Variants in FAM171A1 observed in about 807,000 individuals in gnomAD.
FAM171A1 encodes the protein family with sequence similarity 171 member A1.
A neutral mutation model predicts 74.9 loss-of-function variants in FAM171A1; 23 were observed. That is an observed-to-expected ratio of 0.31 (90% CI 0.22 to 0.44). The LOEUF is 0.44. Ranked by LOEUF, FAM171A1 falls within the 20% of genes least tolerant of loss-of-function variation. The pLI, the probability that FAM171A1 is intolerant of heterozygous loss-of-function variation, is 1.00. For synonymous variants in FAM171A1, 527 were observed against 505.7 expected (o/e 1.04, Z -0.57); for missense variants, 1,162 against 1,159.2 (o/e 1.00, Z -0.03).
At chr10:15,248,058 G>A (rs1431740464) in intron 5 of FAM171A1, among the ~76,000 whole-genome samples, 3 of 152,156 alleles carry the variant, frequency 2.0e-5, no homozygotes, top group Non-Finnish European at 4.4e-5. Context: ...CTGACCCCCA[G>A]AAACTCTGAG....
At chr10:15,244,684 A>G (rs1433811535) in intron 5 of FAM171A1, among the ~76,000 whole-genome samples, 1 of 152,188 alleles carries the variant, frequency 6.6e-6, no homozygotes, top group African/African-American at 2.4e-5. Flanking sequence ...TGGTACCCAC[A>G]CAGACTTGGT....
At chr10:15,304,539 C>T (rs1056324893) in intron 1 of FAM171A1, among the ~76,000 whole-genome samples, 5 of 152,172 alleles carry the variant, frequency 3.3e-5, no homozygotes, top group South Asian at 2.1e-4. Flanking sequence ...AAACCTGCTG[C>T]GGCCGCATAC....
At chr10:15,322,863 G>A (rs984722448) in intron 1 of FAM171A1, among the ~76,000 whole-genome samples, 50 of 151,970 alleles carry the variant, frequency 3.3e-4, no homozygotes, top group African/African-American at 1.2e-3. Context: ...TTTTTGGCTG[G>A]GGGCAGTGAC....
Position 15,371,109 on chromosome 10 carries a change from G to C in FAM171A1, c.-57C>G. ...CGCCGAGAGCGGGCCGGGCGGCGGCGCGTCACGGGCGGCCGGGCGCCGCGC... is the reference window on the plus strand; with the variant it reads ...CGCCGAGAGCGGGCCGGGCGGCGGCCCGTCACGGGCGGCCGGGCGCCGCGC... On this transcript the variant is annotated 5_prime_UTR_variant, in exon 1 of 8. Coordinates refer to ENST00000378116, the MANE Select transcript of FAM171A1 (RefSeq NM_001010924.2). 3.8e-6 allele frequency: 3 copies of C among 795,966 alleles called. No individual in the cohort carries two copies. The highest frequency in any genetic ancestry group is 4.5e-6 in the Non-Finnish European group (3 of 660,030). The allele number at this position is 795,966 out of a possible 1,614,324, so 49.3% of individuals were successfully genotyped here.
At chr10:15,279,097 T>C (rs996379705) in intron 2 of FAM171A1, among the ~76,000 whole-genome samples, 5 of 152,168 alleles carry the variant, frequency 3.3e-5, no homozygotes, top group African/African-American at 1.2e-4. Flanking sequence ...TGACCACCTC[T>C]GAGCTGACCG....
At chr10:15,338,949 G>A (rs933272116) in intron 1 of FAM171A1, among the ~76,000 whole-genome samples, 15 of 152,092 alleles carry the variant, frequency 9.9e-5, no homozygotes, top group Non-Finnish European at 4.4e-5. Flanking sequence ...ATGTTGGCCA[G>A]GCTGGTCTTG....
intron 5 of FAM171A1, among the ~76,000 whole-genome samples, chr10:15,248,292 T>C (rs2131757133): frequency 6.6e-6 from 1 of 151,926 alleles, no homozygotes; most frequent in Admixed American, 6.6e-5. Flanking sequence ...AAAAAAAAAA[T>C]ACCACACATG....
chr10:15,257,598 TGGGGGTA>T (rs924201376), intron 3 of FAM171A1, among the ~76,000 whole-genome samples: 1 of 152,008 alleles, frequency 6.6e-6, no homozygotes, highest in Non-Finnish European at 1.5e-5. Flanking sequence ...GGCTGGGGGC[TGGGGGTA>T]TGTAGCAGGC....
chr10:15,318,703 T>C (rs1431830966), intron 1 of FAM171A1, among the ~76,000 whole-genome samples: 1 of 152,196 alleles, frequency 6.6e-6, no homozygotes, highest in African/African-American at 2.4e-5. Flanking sequence ...AATATTTTAA[T>C]TCTCATCCCC....
chr10:15,315,279 G>A (rs977731372), intron 1 of FAM171A1, among the ~76,000 whole-genome samples: 15 of 152,254 alleles, frequency 9.9e-5, no homozygotes, highest in African/African-American at 2.6e-4. Flanking sequence ...TGTGATGGGC[G>A]CAAGCTGTCT....
At chr10:15,217,415 A>G (rs1833980561) in intron 6 of FAM171A1, among the ~76,000 whole-genome samples, 2 of 152,178 alleles carry the variant, frequency 1.3e-5, no homozygotes, top group Non-Finnish European at 2.9e-5. Flanking sequence ...TAAGACATAG[A>G]CTTTTTAAAA....
At position 15,348,624 on chromosome 10, in the gene FAM171A1, C is replaced by G. The variant is rs572014799; in HGVS notation, c.97+22332G>C. On this transcript the variant is annotated intron_variant, in intron 1 of 7. Coordinates refer to ENST00000378116, the MANE Select transcript of FAM171A1 (RefSeq NM_001010924.2). ...GCCTGGATGTGCAGCCCTGCTACTTCGAGTGTGGTCCTCCAACCAGCAGCA... is the reference window on the plus strand; with the variant it reads ...GCCTGGATGTGCAGCCCTGCTACTTGGAGTGTGGTCCTCCAACCAGCAGCA... Among the ~76,000 whole-genome samples, 354 of 152,274 alleles carry G rather than the reference C, an allele frequency of 2.3e-3. 3 individuals are homozygous for G. Among genetic ancestry groups the G allele is most frequent in the African/African-American group, 7.9e-3 (329 of 41,562 alleles).
At chr10:15,231,004 C>T (rs897558953) in intron 5 of FAM171A1, among the ~76,000 whole-genome samples, 4 of 152,122 alleles carry the variant, frequency 2.6e-5, no homozygotes, top group Admixed American at 6.6e-5. Flanking sequence ...GCCATTAGTC[C>T]CCTGCATTGG....
intron 1 of FAM171A1, among the ~76,000 whole-genome samples, chr10:15,292,714 G>A (rs917656592): frequency 1.3e-5 from 2 of 151,926 alleles, no homozygotes; most frequent in South Asian, 2.1e-4. Flanking sequence ...TTGAACTCCC[G>A]GACTCAAGCA....
rs560731513 is a variant in FAM171A1, at chr10:15,240,472, T to G, written c.754+8167A>C. Among the ~76,000 whole-genome samples, 3 of 152,330 alleles carry G rather than the reference T, an allele frequency of 2.0e-5. No homozygotes were observed. In the East Asian group the frequency reaches 5.8e-4, roughly 29 times the overall value. Reference sequence around the variant, plus strand: ...ATGTTATTTGTATTCTAAGATGGTGTTAATCTAGTTGATCACCTTCTAATG... The same window carrying G: ...ATGTTATTTGTATTCTAAGATGGTGGTAATCTAGTTGATCACCTTCTAATG... On this transcript the variant is annotated intron_variant, in intron 5 of 7. Transcript: ENST00000378116.
intron 1 of FAM171A1, among the ~76,000 whole-genome samples, chr10:15,288,281 G>A (rs987147990): frequency 3.9e-5 from 6 of 152,034 alleles, no homozygotes; most frequent in African/African-American, 1.5e-4. Context: ...GTAGATACCG[G>A]TAGTGGGATT....
intron 1 of FAM171A1, among the ~76,000 whole-genome samples, chr10:15,364,460 A>T (rs560064121): frequency 6.6e-6 from 1 of 152,184 alleles, no homozygotes; most frequent in East Asian, 1.9e-4. Context: ...CGTTTTTCCA[A>T]ATGTAACTTC....
At chr10:15,361,607 C>G (rs1216374428) in intron 1 of FAM171A1, among the ~76,000 whole-genome samples, 1 of 152,098 alleles carries the variant, frequency 6.6e-6, no homozygotes, top group Non-Finnish European at 1.5e-5. Context: ...CGCTTGAACT[C>G]AGGAGGCAGA....
chr10:15,220,543 T>C (rs1834024103), intron 6 of FAM171A1, among the ~76,000 whole-genome samples: 2 of 152,178 alleles, frequency 1.3e-5, no homozygotes, highest in South Asian at 4.1e-4. Context: ...CCCACCAGGC[T>C]TTTTGCCCCC....
Sources: allele counts gnomAD v4.1 joint callset (sites outside exome capture counted in the v4.1 genomes callset), GRCh38; gene constraint gnomAD v4.1.1; transcripts MANE v1.5; gene names NCBI Gene and HGNC (gene_info 2026-07-23, HGNC 2026-07-21).